The following TRPM6 variants were observed in gnomAD, a reference collection of about 807,000 sequenced individuals.
TRPM6 encodes the protein channel kinase 2.
In TRPM6, 111 loss-of-function variants were observed where a neutral mutation model predicts 247.6. The ratio of observed to expected loss-of-function variants is 0.45; its 90% CI spans 0.38 to 0.52. TRPM6 has a LOEUF of 0.52. TRPM6 is among the 20% of genes least tolerant of loss of function. The pLI, the probability that TRPM6 is intolerant of heterozygous loss-of-function variation, is 0.00. For synonymous variants in TRPM6, 892 were observed against 853.8 expected, an observed-to-expected ratio of 1.04 and a Z score of -0.78; for missense variants, 2,126 against 2,421.5, an observed-to-expected ratio of 0.88 and a Z score of 2.56.
At chr9:74,765,063 T>C (rs1226254842) in intron 25 of TRPM6, among the ~76,000 whole-genome samples, 1 of 151,972 alleles carries the variant, frequency 6.6e-6, no homozygotes, top group East Asian at 1.9e-4. Flanking sequence ...GGATGGAACA[T>C]AGGGACACAA....
Position 74,792,660 on chromosome 9 carries a change from G to A in TRPM6, c.2502C>T (p.Phe834=). Residue 834 remains phenylalanine, a synonymous_variant, in exon 19 of 39, where the codon TTC becomes TTT. Coordinates refer to ENST00000360774, the MANE Select transcript of TRPM6 (RefSeq NM_017662.5). ...HLPWTRKVYE[F]YSAPIVKFWF... is the part of the protein sequence containing the mutation. The stretch of plus-strand genomic sequence containing the variant: ...AAAACTTGACAATTGGAGCACTGTA[G>A]AACTCATAGACTTTCCTGGTCCACG... 2 of 1,614,094 alleles carry A rather than the reference G, an allele frequency of 1.2e-6. No individual in the cohort carries two copies. Among genetic ancestry groups the A allele is most frequent in the Non-Finnish European group, 8.5e-7 (1 of 1,180,014 alleles).
At position 74,793,417 on chromosome 9, in the gene TRPM6, G is replaced by A. The variant is rs1042571562; in HGVS notation, c.2392-647C>T. On this transcript the variant is annotated intron_variant, in intron 18 of 38. Coordinates refer to ENST00000360774, the MANE Select transcript of TRPM6 (RefSeq NM_017662.5). The stretch of plus-strand genomic sequence containing the variant: ...GGCTGGGGTGCAATGGCGTGGTCTC[G>A]GCTCCCTGCAACCAACCTCCGCCTC... Among the ~76,000 whole-genome samples, 24 of 151,960 alleles carry A rather than the reference G, an allele frequency of 1.6e-4. No homozygotes were observed. In the South Asian group the frequency reaches 1.9e-3, roughly 12 times the overall value.
intron 23 of TRPM6, among the ~76,000 whole-genome samples, chr9:74,777,939 T>A (rs1020865248): frequency 1.3e-5 from 2 of 152,058 alleles, no homozygotes; most frequent in African/African-American, 4.8e-5. Flanking sequence ...AGAAAAAAAA[T>A]GAAAGGTCAC....
At chr9:74,754,336 A>G (rs1325737640) in intron 28 of TRPM6, among the ~76,000 whole-genome samples, 2 of 152,158 alleles carry the variant, frequency 1.3e-5, no homozygotes, top group African/African-American at 4.8e-5. Context: ...GAGTATTTTT[A>G]AACATAAAAT....
intron 1 of TRPM6, among the ~76,000 whole-genome samples, chr9:74,872,345 C>T (rs1831052818): frequency 6.6e-6 from 1 of 152,064 alleles, no homozygotes; most frequent in African/African-American, 2.4e-5. Flanking sequence ...CTTTGTTGGC[C>T]AGGCTGGTCT....
intron 1 of TRPM6, among the ~76,000 whole-genome samples, chr9:74,879,057 T>C (rs531749619): frequency 6.7e-4 from 102 of 151,970 alleles, no homozygotes; most frequent in African/African-American, 2.2e-3. Context: ...ACAAGAGAAC[T>C]TGAAAATACA....
In TRPM6 at chr9:74,754,800, T is replaced by G. The variant is rs562601926; in HGVS notation, c.4906+553A>C. 3.9e-5 allele frequency among the ~76,000 whole-genome samples: 6 copies of G among 152,374 alleles called. No homozygotes were observed. In the East Asian group the frequency reaches 9.6e-4, roughly 24 times the overall value. The stretch of plus-strand genomic sequence containing the variant: ...TTTCTGTTCACAATCTGCCCTCATC[T>G]TACCTGTCCAGACCTATTTCACCGT... On this transcript the variant is annotated intron_variant, in intron 28 of 38. Coordinates refer to ENST00000360774, the MANE Select transcript of TRPM6 (RefSeq NM_017662.5).
At chr9:74,790,902 A>C (rs1184798157) in intron 19 of TRPM6, among the ~76,000 whole-genome samples, 1 of 152,220 alleles carries the variant, frequency 6.6e-6, no homozygotes, top group Admixed American at 6.5e-5. Context: ...AAGTGGCATC[A>C]CATAAAGGCT....
intron 24 of TRPM6, among the ~76,000 whole-genome samples, chr9:74,774,760 TA>T (rs1827160281): frequency 6.6e-6 from 1 of 152,180 alleles, no homozygotes; most frequent in Admixed American, 6.5e-5. Context: ...TAGTTAAGAT[TA>T]AAGCAATCCC....
intron 36 of TRPM6, among the ~76,000 whole-genome samples, chr9:74,734,201 C>T (rs908560241): frequency 6.6e-6 from 1 of 152,138 alleles, no homozygotes; most frequent in African/African-American, 2.4e-5. Context: ...TGGGCACAAT[C>T]CAGCGATTTC....
At chr9:74,887,710 C>A (rs1478265152) in intron 1 of TRPM6, 114 bp downstream of exon 1, 5 of 1,611,978 alleles carry the variant, frequency 3.1e-6, no homozygotes, top group Non-Finnish European at 4.2e-6. Flanking sequence ...TATTCTAGAT[C>A]CTCGTTAGAT....
At chr9:74,881,543 G>A (rs1587611558) in intron 1 of TRPM6, among the ~76,000 whole-genome samples, 2 of 152,064 alleles carry the variant, frequency 1.3e-5, no homozygotes, top group East Asian at 3.9e-4. Context: ...TATCTAAACA[G>A]AAAATTAAAA....
chr9:74,858,775 A>T (rs1025575039), intron 1 of TRPM6, 27 bp from the exon 2 acceptor site: 10 of 1,542,112 alleles, frequency 6.5e-6, no homozygotes, highest in Non-Finnish European at 2.7e-6. Flanking sequence ...ATTATTTTAT[A>T]CTCTAATTAT....
chr9:74,883,132 T>C (rs1241262358), intron 1 of TRPM6, among the ~76,000 whole-genome samples: 2 of 152,312 alleles, frequency 1.3e-5, no homozygotes, highest in African/African-American at 2.4e-5. Context: ...TTGTGACTGG[T>C]TTATTTTACT....
chr9:74,813,640 A>G (rs1387601524), intron 11 of TRPM6, among the ~76,000 whole-genome samples: 1 of 152,200 alleles, frequency 6.6e-6, no homozygotes, highest in African/African-American at 2.4e-5. Context: ...GCAACCTCCA[A>G]CTACAGGCTC....
At chr9:74,788,768 G>A in intron 19 of TRPM6, 26 bp from the exon 20 acceptor site, 1 of 1,612,336 alleles carries the variant, frequency 6.2e-7, no homozygotes, top group South Asian at 1.1e-5. Flanking sequence ...ACATTCCCCA[G>A]ATGTGAGTGA....
chr9:74,863,293 C>G (rs1291382999), intron 1 of TRPM6, among the ~76,000 whole-genome samples: 1 of 151,858 alleles, frequency 6.6e-6, no homozygotes, highest in African/African-American at 2.4e-5. Context: ...GTGATCCACC[C>G]GCCTCGGCCT....
chr9:74,751,673 C>G (rs1826251885), intron 29 of TRPM6, among the ~76,000 whole-genome samples: 2 of 152,186 alleles, frequency 1.3e-5, no homozygotes, highest in Admixed American at 1.3e-4. Flanking sequence ...GAAAAACAGA[C>G]TGCAAAACCG....
chr9:74,870,191 T>C (rs1318151875), intron 1 of TRPM6, among the ~76,000 whole-genome samples: 2 of 132,282 alleles, frequency 1.5e-5, no homozygotes, highest in East Asian at 2.6e-4. Context: ...TTTAAAATAG[T>C]TGAAAAAATA....
Sources: gnomAD v4.1 joint callset for allele counts (sites outside exome capture counted in the v4.1 genomes callset) on GRCh38, gnomAD v4.1.1 for gene constraint, MANE v1.5 for transcripts, NCBI Gene and HGNC (gene_info 2026-07-23, HGNC 2026-07-21) for gene names.